The following TMEM132C variants were observed in gnomAD, a reference collection of about 807,000 sequenced individuals.
TMEM132C encodes the protein protein phosphatase 1, regulatory subunit 152.
TMEM132C carries 29 observed loss-of-function variants against 61.4 expected under a neutral mutation model. The observed-to-expected ratio is 0.47, with a 90% CI of 0.35 to 0.64. The LOEUF (loss-of-function observed/expected upper bound fraction) is 0.64. TMEM132C is among the 30% of genes least tolerant of loss of function. The probability of loss-of-function intolerance (pLI) is 0.00; values close to 1 mark genes in which losing one functional copy is unlikely to be tolerated. For missense variants in TMEM132C, 1,408 were observed against 1,476.9 expected (o/e 0.95, Z 0.76); for synonymous variants, 656 against 633.1 (o/e 1.04, Z -0.54).
intron 1 of TMEM132C, among the ~76,000 whole-genome samples, chr12:128,376,631 G>A (rs567405251): frequency 7.2e-5 from 11 of 152,268 alleles, no homozygotes; most frequent in East Asian, 5.8e-4. Context: ...AGATTATTTC[G>A]AGCCTCTTGG....
chr12:128,660,818 T>G (rs1734277166), intron 4 of TMEM132C, among the ~76,000 whole-genome samples: 1 of 151,506 alleles, frequency 6.6e-6, no homozygotes, highest in Admixed American at 6.6e-5. Context: ...AATAGGGAAG[T>G]AAATGGTACC....
At chr12:128,583,560 A>T (rs953520688) in intron 3 of TMEM132C, among the ~76,000 whole-genome samples, 7 of 152,174 alleles carry the variant, frequency 4.6e-5, no homozygotes, top group African/African-American at 1.7e-4. Context: ...GATGCTGGGA[A>T]CAGGGAAGAC....
chr12:128,548,105 C>T (rs868358507), intron 3 of TMEM132C, among the ~76,000 whole-genome samples: 2 of 152,276 alleles, frequency 1.3e-5, no homozygotes, highest in South Asian at 2.1e-4. Flanking sequence ...TGGTTAAACA[C>T]GCCTGTTGTT....
chr12:128,418,847 T>C (rs1868874101), intron 2 of TMEM132C, among the ~76,000 whole-genome samples: 1 of 152,216 alleles, frequency 6.6e-6, no homozygotes, highest in Admixed American at 6.5e-5. Context: ...TGCCAGAGTC[T>C]TTTTAGTGTC....
At chr12:128,496,141 A>G (rs1199325742) in intron 2 of TMEM132C, among the ~76,000 whole-genome samples, 2 of 152,106 alleles carry the variant, frequency 1.3e-5, no homozygotes, top group African/African-American at 4.8e-5. Context: ...TCTTTTCTTT[A>G]AGAATGTTGA....
intron 1 of TMEM132C, among the ~76,000 whole-genome samples, chr12:128,365,723 C>A (rs901402016): frequency 6.6e-6 from 1 of 152,162 alleles, no homozygotes; most frequent in African/African-American, 2.4e-5. Context: ...AGGATGGCTC[C>A]TCTCCCTGCC....
At chr12:128,661,657 A>G (rs560549703) in intron 4 of TMEM132C, among the ~76,000 whole-genome samples, 3 of 152,232 alleles carry the variant, frequency 2.0e-5, no homozygotes, top group Non-Finnish European at 2.9e-5. Flanking sequence ...CATGGGTAAG[A>G]GAATGGAAAA....
At position 128,705,291 on chromosome 12, in the gene TMEM132C, A is replaced by T; in HGVS notation, c.2323A>T (p.Ile775Phe). ...CCCACTGATCCGAGTGGACATGACG[A>T]TCGCCGAGGCCTGCCAGAAATCTAA... ...QGPLIRVDMT[I>F]AEACQKSKRK... The change falls in exon 9 of 9, where the codon ATC (isoleucine) becomes TTC (phenylalanine). Residue 775 changes from isoleucine (I) to phenylalanine (F), a missense_variant. Transcript: ENST00000435159. 1.3e-6 allele frequency: 2 copies of T among 1,551,462 alleles called. No homozygotes were observed. Among genetic ancestry groups the T allele is most frequent in the Non-Finnish European group, 1.7e-6 (2 of 1,146,878 alleles).
chr12:128,374,145 T>C (rs1346827531), intron 1 of TMEM132C, among the ~76,000 whole-genome samples: 2 of 152,008 alleles, frequency 1.3e-5, no homozygotes, highest in Admixed American at 6.5e-5. Context: ...GGGGAGGGGC[T>C]CAGCATGTGG....
intron 3 of TMEM132C, among the ~76,000 whole-genome samples, chr12:128,589,571 T>G (rs970695057): frequency 2.0e-5 from 3 of 147,872 alleles, no homozygotes; most frequent in African/African-American, 7.5e-5. Context: ...CATCGTATAG[T>G]AGTAGATTTC....
chr12:128,596,793 C>A (rs1057199611), intron 3 of TMEM132C, among the ~76,000 whole-genome samples: 3 of 150,060 alleles, frequency 2.0e-5, no homozygotes, highest in Non-Finnish European at 1.5e-5. Flanking sequence ...GCAGCCCCAG[C>A]AGACTGAAAC....
chr12:128,320,658 A>G (rs1872301335), intron 1 of TMEM132C, among the ~76,000 whole-genome samples: 1 of 152,062 alleles, frequency 6.6e-6, no homozygotes, highest in African/African-American at 2.4e-5. Flanking sequence ...AGTTCCAGCT[A>G]GCTACTTGGG....
Position 128,415,941 on chromosome 12 carries a change from C to T in TMEM132C, c.974+321C>T, listed in dbSNP as rs1868767935. 6.6e-6 allele frequency among the ~76,000 whole-genome samples: 1 copy of T among 152,124 alleles called. No individual in the cohort carries two copies. Among genetic ancestry groups the T allele is most frequent in the African/African-American group, 2.4e-5 (1 of 41,428 alleles). On this transcript the variant is annotated intron_variant, in intron 2 of 8. Transcript: ENST00000435159. This position sits in a 1 kb window ranked among gnomAD's most constrained non-coding sequence, Gnocchi z 5.8. ...ATGTGATTTTTCTTCTGCTGTGAAT[C>T]CTTTGATGAGATACCATTTGAGTTG...
intron 2 of TMEM132C, among the ~76,000 whole-genome samples, chr12:128,543,446 T>C (rs1437914650): frequency 6.6e-6 from 1 of 152,100 alleles, no homozygotes. Flanking sequence ...GCTTTCCTAG[T>C]AGTATTGACA....
At chr12:128,456,745 CCATACCTCTAAGAAGA>C (rs1190072199) in intron 2 of TMEM132C, among the ~76,000 whole-genome samples, 2 of 152,024 alleles carry the variant, frequency 1.3e-5, no homozygotes, top group Non-Finnish European at 2.9e-5. Context: ...CCCATGTAAC[CCATACCTCTAAGAAGA>C]CATAGAACAA....
At position 128,442,586 on chromosome 12, in the gene TMEM132C, T is replaced by A. The variant is rs371886286; in HGVS notation, c.974+26966T>A. Among the ~76,000 whole-genome samples, 1,355 of 140,768 alleles carry A rather than the reference T, an allele frequency of 9.6e-3. 25 individuals carry two copies. The highest frequency in any genetic ancestry group is 0.032 in the African/African-American group (1,214 of 38,008). 92.3% of individuals were successfully genotyped at this position (140,768 alleles called of 152,430 possible). On this transcript the variant is annotated intron_variant, in intron 2 of 8. Coordinates refer to ENST00000435159, the MANE Select transcript of TMEM132C (RefSeq NM_001136103.3). Reference sequence around the variant, plus strand: ...TGGACTTTTTGTAATGTCAGTGTTTTAAAAAAAAAAAAAAGGTGAGGGACA... The same window carrying A: ...TGGACTTTTTGTAATGTCAGTGTTTAAAAAAAAAAAAAAAGGTGAGGGACA...
intron 1 of TMEM132C, among the ~76,000 whole-genome samples, chr12:128,339,176 C>T (rs559708617): frequency 6.6e-6 from 1 of 152,184 alleles, no homozygotes; most frequent in Admixed American, 6.5e-5. Context: ...GGTCAGCCCC[C>T]ACTGCCAGCA....
chr12:128,349,493 TAC>T (rs1873272635), intron 1 of TMEM132C, among the ~76,000 whole-genome samples: 1 of 152,174 alleles, frequency 6.6e-6, no homozygotes, highest in African/African-American at 2.4e-5. Context: ...TTTATGCTAC[TAC>T]AAAGGAAGAG....
In TMEM132C at chr12:128,678,628, G is replaced by A. The variant is rs553782815; in HGVS notation, c.1449+9068G>A. Among the ~76,000 whole-genome samples, 6 of 152,294 alleles carry A rather than the reference G, an allele frequency of 3.9e-5. No individual in the cohort carries two copies. In the South Asian group the frequency reaches 1.2e-3, roughly 32 times the overall value. On this transcript the variant is annotated intron_variant, in intron 5 of 8. Coordinates refer to ENST00000435159, the MANE Select transcript of TMEM132C (RefSeq NM_001136103.3). ...CTACCCAGGCAGCCCTAGACCAGTGGTTCTCTGTGGGGTGACTGAACCCCC... is the reference window on the plus strand; with the variant it reads ...CTACCCAGGCAGCCCTAGACCAGTGATTCTCTGTGGGGTGACTGAACCCCC...
Sources: gnomAD v4.1 joint callset for allele counts (sites outside exome capture counted in the v4.1 genomes callset) on GRCh38, gnomAD v4.1.1 for gene constraint, Gnocchi (gnomAD v3.1) non-coding constraint, MANE v1.5 for transcripts, NCBI Gene and HGNC (gene_info 2026-07-23, HGNC 2026-07-21) for gene names.